NOL10: variants seen among roughly 807,000 people sequenced by gnomAD.
NOL10 encodes the protein H_NH0074G24.1.
NOL10 carries 58 observed loss-of-function variants against 103.5 expected under a neutral mutation model. The ratio of observed to expected loss-of-function variants is 0.56; its 90% CI spans 0.45 to 0.70. NOL10 has a LOEUF of 0.70. NOL10 is among the 30% of genes least tolerant of loss of function. The pLI is 0.00. For synonymous variants in NOL10, 287 were observed against 282.5 expected, an observed-to-expected ratio of 1.02 and a Z score of -0.16; for missense variants, 763 against 807.3, an observed-to-expected ratio of 0.95 and a Z score of 0.67.
chr2:10,594,610 G>T (rs971249055), intron 17 of NOL10, among the ~76,000 whole-genome samples: 1 of 152,140 alleles, frequency 6.6e-6, no homozygotes, highest in Non-Finnish European at 1.5e-5. Context: ...CATAGAAAAC[G>T]AGCAAGAGAG....
chr2:10,671,896 A>T (rs1338941523), intron 5 of NOL10, among the ~76,000 whole-genome samples: 1 of 152,198 alleles, frequency 6.6e-6, no homozygotes, highest in African/African-American at 2.4e-5. Flanking sequence ...GTATCCTGAT[A>T]GCTTTTCTGC....
rs182762938 is a variant in NOL10, at chr2:10,571,872, G to T, written c.*199C>A. The T allele has an allele frequency of 8.5e-4, 482 of 568,308 alleles. 2 individuals carry two copies. In the East Asian group the frequency reaches 0.012, roughly 15 times the overall value. The allele number at this position is 568,308 out of a possible 1,614,324, so 35.2% of individuals were successfully genotyped here. ...CAACGACTCGCAAGCACACCCCTGG[G>T]GCTGTGCGGTGGCCGTCGGCGGGGC... On this transcript the variant is annotated 3_prime_UTR_variant, in exon 21 of 21. Transcript: ENST00000381685.
chr2:10,587,275 A>ATT lies in NOL10; in HGVS notation c.1844+1766_1844+1767dup, dbSNP rs70953314. Among the ~76,000 whole-genome samples, 6 of 22,566 alleles carry ATT rather than the reference A, an allele frequency of 2.7e-4. 1 individual carries two copies. The highest frequency in any genetic ancestry group is 8.6e-4 in the African/African-American group (3 of 3,480). The allele number at this position is 22,566 out of a possible 152,430, so 14.8% of individuals were successfully genotyped here. A position where few individuals can be genotyped will look rare whatever the true frequency, so the allele number is the denominator to read the frequency against. ...TATATATACACATATATATATATATATTTTTTTTTTTTTTGAGATGGAGTC... is the reference window on the plus strand; with the variant it reads ...TATATATACACATATATATATATATATTTTTTTTTTTTTTTTGAGATGGAGTC... On this transcript the variant is annotated intron_variant, in intron 19 of 20. Transcript: ENST00000381685.
At chr2:10,676,940 T>C (rs1572430911) in intron 3 of NOL10, among the ~76,000 whole-genome samples, 1 of 67,896 alleles carries the variant, frequency 1.5e-5, no homozygotes, top group Non-Finnish European at 2.8e-5. Flanking sequence ...GGCCGGCCTC[T>C]TTTTTTTTTT....
At chr2:10,582,619 A>T (rs879780058) in intron 19 of NOL10, among the ~76,000 whole-genome samples, 10 of 152,282 alleles carry the variant, frequency 6.6e-5, no homozygotes, top group Admixed American at 5.9e-4. Context: ...ACCTCTAACC[A>T]GAATGATGTC....
At chr2:10,603,281 G>GT in intron 14 of NOL10, 124 bp from the exon 15 acceptor site, 1 of 670,604 alleles carries the variant, frequency 1.5e-6, no homozygotes, top group Non-Finnish European at 2.6e-6. Flanking sequence ...TTAAGGATTA[G>GT]AATTACTAAT....
intron 12 of NOL10, among the ~76,000 whole-genome samples, chr2:10,653,961 C>G (rs937173359): frequency 6.6e-6 from 1 of 152,116 alleles, no homozygotes; most frequent in African/African-American, 2.4e-5. Flanking sequence ...CATTTTTCTC[C>G]CATACTCTGA....
chr2:10,579,585 T>C (rs1472685722), intron 19 of NOL10, among the ~76,000 whole-genome samples: 1 of 66,372 alleles, frequency 1.5e-5, no homozygotes, highest in Non-Finnish European at 4.1e-5. Context: ...TCCGAACAAT[T>C]CAAAAGTGAA....
At chr2:10,583,997 C>T (rs1205465163) in intron 19 of NOL10, among the ~76,000 whole-genome samples, 3 of 152,192 alleles carry the variant, frequency 2.0e-5, no homozygotes, top group African/African-American at 7.2e-5. Flanking sequence ...AAGATCGTGG[C>T]TTTCCAGTGC....
chr2:10,602,626 T>A (rs1376469155), intron 16 of NOL10, 150 bp downstream of exon 16: 1 of 600,264 alleles, frequency 1.7e-6, no homozygotes, highest in African/African-American at 1.9e-5. Flanking sequence ...GACACACTGA[T>A]GACAAACAAA....
chr2:10,642,687 AC>A (rs1678781221), intron 13 of NOL10, among the ~76,000 whole-genome samples: 1 of 151,768 alleles, frequency 6.6e-6, no homozygotes, highest in Non-Finnish European at 1.5e-5. Flanking sequence ...GGAAAAAAAA[AC>A]CCTTCTCCCA....
intron 6 of NOL10, among the ~76,000 whole-genome samples, chr2:10,670,686 G>A (rs1160834032): frequency 6.6e-6 from 1 of 152,148 alleles, no homozygotes; most frequent in Non-Finnish European, 1.5e-5. Context: ...AGTGAGCCAA[G>A]ATCGTACCAC....
At chr2:10,580,909 T>C (rs1450915606) in intron 19 of NOL10, among the ~76,000 whole-genome samples, 1 of 152,044 alleles carries the variant, frequency 6.6e-6, no homozygotes, top group African/African-American at 2.4e-5. Flanking sequence ...CCTCACTCCA[T>C]AGTCTACACC....
At chr2:10,671,766 C>T in intron 5 of NOL10, 76 bp from the exon 6 acceptor site, 1 of 1,116,680 alleles carries the variant, frequency 9.0e-7, no homozygotes, top group South Asian at 1.6e-5. Flanking sequence ...AAAAAACTGG[C>T]AAACCAAGGA....
intron 9 of NOL10, among the ~76,000 whole-genome samples, chr2:10,661,364 C>T (rs547362502): frequency 6.6e-6 from 1 of 152,068 alleles, no homozygotes; most frequent in Non-Finnish European, 1.5e-5. Flanking sequence ...CATGAGCCAC[C>T]ATGCCCAGCC....
chr2:10,618,420 A>C (rs1304743595), intron 13 of NOL10, among the ~76,000 whole-genome samples: 1 of 152,148 alleles, frequency 6.6e-6, no homozygotes, highest in Non-Finnish European at 1.5e-5. Flanking sequence ...CACTGCTCAT[A>C]ATCAGATCCA....
Position 10,675,907 on chromosome 2 carries a change from A to G in NOL10, c.212-36T>C, listed in dbSNP as rs1207583543. 5.2e-6 allele frequency: 6 copies of G among 1,156,006 alleles called. No homozygotes were observed. In the Middle Eastern group the frequency reaches 9.9e-4, roughly 190 times the overall value. The allele number at this position is 1,156,006 out of a possible 1,614,324, so 71.6% of individuals were successfully genotyped here. A position where few individuals can be genotyped will look rare whatever the true frequency, so the allele number is the denominator to read the frequency against. Reference sequence around the variant, plus strand: ...TTAATGTGATGTAAAACCTAAAGACATACTTTCATAGTCAAAACATCCAGA... The same window carrying G: ...TTAATGTGATGTAAAACCTAAAGACGTACTTTCATAGTCAAAACATCCAGA... On this transcript the variant is annotated intron_variant, in intron 3 of 20. Coordinates refer to ENST00000381685, the MANE Select transcript of NOL10 (RefSeq NM_024894.4).
At chr2:10,654,982 TG>T (rs1679738921) in intron 11 of NOL10, among the ~76,000 whole-genome samples, 1 of 151,656 alleles carries the variant, frequency 6.6e-6, no homozygotes, top group African/African-American at 2.4e-5. Context: ...GGCTGAGGCG[TG>T]GAGATGACTT....
At chr2:10,676,130 C>G (rs1681289089) in intron 3 of NOL10, among the ~76,000 whole-genome samples, 1 of 152,162 alleles carries the variant, frequency 6.6e-6, no homozygotes, top group South Asian at 2.1e-4. Flanking sequence ...AACAATGAAA[C>G]AGTTTTGTCC....
Sources: allele counts gnomAD v4.1 joint callset (sites outside exome capture counted in the v4.1 genomes callset), GRCh38; gene constraint gnomAD v4.1.1; transcripts MANE v1.5; gene names NCBI Gene and HGNC (gene_info 2026-07-23, HGNC 2026-07-21).